Variants in MRPL13 observed in about 807,000 individuals in gnomAD.
The protein encoded by MRPL13 is large ribosomal subunit protein uL13m.
Under a neutral mutation model 29.0 loss-of-function variants are expected in MRPL13, and 33 were observed. That is an observed-to-expected ratio of 1.14 (90% confidence interval 0.86 to 1.52). The LOEUF is 1.52. Among genes scored for constraint, MRPL13 ranks in the 40% most tolerant of loss-of-function variants. MRPL13 has a pLI of 0.00. For missense variants in MRPL13, 227 were observed against 216.7 expected, an observed-to-expected ratio of 1.05 and a Z score of -0.30; for synonymous variants, 77 against 68.4, an observed-to-expected ratio of 1.13 and a Z score of -0.62.
At chr8:120,422,323 T>C (rs1450733657) in intron 4 of MRPL13, among the ~76,000 whole-genome samples, 2 of 151,570 alleles carry the variant, frequency 1.3e-5, no homozygotes, top group African/African-American at 4.8e-5. Context: ...AAATAGTCTC[T>C]AATAGGAAAA....
chr8:120,423,730 A>G (rs1478892948), intron 4 of MRPL13, among the ~76,000 whole-genome samples: 3 of 152,178 alleles, frequency 2.0e-5, no homozygotes, highest in Non-Finnish European at 4.4e-5. Context: ...TGGCTTGAAG[A>G]ATGCCAGCAA....
chr8:120,444,610 T>G (rs545132813), intron 1 of MRPL13, among the ~76,000 whole-genome samples: 1 of 152,294 alleles, frequency 6.6e-6, no homozygotes, highest in South Asian at 2.1e-4. Flanking sequence ...ACATATTCTT[T>G]GCTTCTGTCC....
intron 3 of MRPL13, among the ~76,000 whole-genome samples, chr8:120,429,935 C>G (rs996842372): frequency 2.0e-5 from 3 of 152,140 alleles, no homozygotes; most frequent in Admixed American, 2.0e-4. Context: ...AGAAAAACGT[C>G]TGTACATGTT....
intron 2 of MRPL13, among the ~76,000 whole-genome samples, chr8:120,434,348 G>A (rs1239874177): frequency 6.6e-6 from 1 of 152,076 alleles, no homozygotes; most frequent in Non-Finnish European, 1.5e-5. Flanking sequence ...AACACTTAAA[G>A]TCTCACAACT....
At chr8:120,439,570 T>C (rs565828725) in intron 2 of MRPL13, among the ~76,000 whole-genome samples, 1 of 152,284 alleles carries the variant, frequency 6.6e-6, no homozygotes, top group Non-Finnish European at 1.5e-5. Context: ...GTTCACAGGA[T>C]AACTACAGGG....
intron 1 of MRPL13, among the ~76,000 whole-genome samples, chr8:120,444,159 T>A (rs562281130): frequency 1.4e-3 from 211 of 151,992 alleles, no homozygotes; most frequent in African/African-American, 2.8e-3. Context: ...AAAAAAAAAA[T>A]TTTTAATGAA....
chr8:120,418,083 A>G (rs1291588804), intron 5 of MRPL13, among the ~76,000 whole-genome samples: 1 of 152,134 alleles, frequency 6.6e-6, no homozygotes, highest in Non-Finnish European at 1.5e-5. Context: ...AAAGTAGCGC[A>G]CATAAATATA....
intron 3 of MRPL13, among the ~76,000 whole-genome samples, chr8:120,429,920 T>C (rs1022272445): frequency 2.6e-5 from 4 of 152,174 alleles, no homozygotes; most frequent in Admixed American, 1.3e-4. Context: ...TAGGGAATAA[T>C]GACAAGAAAA....
intron 6 of MRPL13, among the ~76,000 whole-genome samples, chr8:120,398,008 C>T (rs1812543528): frequency 6.6e-6 from 1 of 152,208 alleles, no homozygotes; most frequent in Non-Finnish European, 1.5e-5. Flanking sequence ...GGATGGAGCC[C>T]CTGGCGGGAG....
In MRPL13 at chr8:120,414,051, G is replaced by A. The variant is rs773595776; in HGVS notation, c.455C>T (p.Pro152Leu). 1.9e-6 allele frequency: 3 copies of A among 1,600,866 alleles called. No individual in the cohort carries two copies. In the East Asian group the frequency reaches 6.8e-5, roughly 36 times the overall value. ...TTGTGTGTACTCATCTAGACGTTTA[G>A]GTATTTTTCGTGGTTGAGGAAGCTC... ...VEELPQPRKI[P>L]KRLDEYTQEE... The change falls in exon 6 of 7, where the codon CCT (proline) becomes CTT (leucine). Residue 152 changes from proline to leucine, a missense_variant. Pro to Leu is a moderately conservative substitution (Grantham distance 98). Transcript: ENST00000306185.
At chr8:120,430,316 ATGGAGGGCTGAC>A (rs1192172353) in intron 3 of MRPL13, among the ~76,000 whole-genome samples, 6 of 152,144 alleles carry the variant, frequency 3.9e-5, no homozygotes, top group Non-Finnish European at 8.8e-5. Context: ...ATCCATAGAT[ATGGAGGGCTGAC>A]TGTATATTAA....
chr8:120,408,941 C>A (rs1222145203), intron 6 of MRPL13, among the ~76,000 whole-genome samples: 1 of 152,194 alleles, frequency 6.6e-6, no homozygotes, highest in African/African-American at 2.4e-5. Flanking sequence ...TCCAGCTTTT[C>A]TTTTACAGAG....
intron 1 of MRPL13, among the ~76,000 whole-genome samples, chr8:120,443,924 T>G (rs1813164409): frequency 6.6e-6 from 1 of 152,130 alleles, no homozygotes; most frequent in African/African-American, 2.4e-5. Flanking sequence ...GTTTTTACAG[T>G]CGTCATCAAT....
intron 1 of MRPL13, among the ~76,000 whole-genome samples, chr8:120,444,612 C>T (rs1332693409): frequency 6.6e-6 from 1 of 152,162 alleles, no homozygotes; most frequent in Non-Finnish European, 1.5e-5. Flanking sequence ...ATATTCTTTG[C>T]TTCTGTCCTC....
chr8:120,424,319 G>A (rs1277334200), intron 4 of MRPL13, among the ~76,000 whole-genome samples: 1 of 151,480 alleles, frequency 6.6e-6, no homozygotes, highest in Non-Finnish European at 1.5e-5. Flanking sequence ...AAATTGACAG[G>A]AAAAAAAATA....
Position 120,425,384 on chromosome 8 carries a change from G to C in MRPL13, c.246-18C>G, listed in dbSNP as rs1586924336. ...CTGGGTAGCTGTTAAAAGGAGAAAA[G>C]ACATTAAAACTGGGCATAGGCTGAT... On this transcript the variant is annotated intron_variant, in intron 3 of 6. Coordinates refer to ENST00000306185, the MANE Select transcript of MRPL13 (RefSeq NM_014078.6). The C allele has an allele frequency of 6.3e-7, 1 of 1,598,286 alleles. No individual in the cohort carries two copies. The highest frequency in any genetic ancestry group is 8.6e-7 in the Non-Finnish European group (1 of 1,166,364).
chr8:120,408,385 C>CT (rs1812702069), intron 6 of MRPL13, among the ~76,000 whole-genome samples: 1 of 152,140 alleles, frequency 6.6e-6, no homozygotes, highest in Non-Finnish European at 1.5e-5. Context: ...ATAGAGACTA[C>CT]TTTTTTATTT....
chr8:120,445,085 A>C lies in MRPL13; in HGVS notation c.10T>G (p.Phe4Val). 2.5e-6 allele frequency: 4 copies of C among 1,613,856 alleles called. No homozygotes were observed. The highest frequency in any genetic ancestry group is 3.4e-6 in the Non-Finnish European group (4 of 1,179,912). Residue 4 changes from phenylalanine to valine, a missense_variant, in exon 1 of 7, where the codon TTC becomes GTC. Transcript: ENST00000306185. MSS[F>V]SRAPQQWATF... ...GAGCTCACCTGGGGCGCCCTAGAGA[A>C]ACTCGACATATTCCTCTACTAGCAG...
In MRPL13 at chr8:120,431,917, A is replaced by G. The variant is rs952312559; in HGVS notation, c.245+113T>C. The stretch of plus-strand genomic sequence containing the variant: ...TTATATACATGGCATGAGTAAAATT[A>G]GTAATAAATGCTGATTTTTAAAAAT... On this transcript the variant is annotated intron_variant, in intron 3 of 6. Coordinates refer to ENST00000306185, the MANE Select transcript of MRPL13 (RefSeq NM_014078.6). 3 of 717,984 alleles carry G rather than the reference A, an allele frequency of 4.2e-6. No individual in the cohort carries two copies. The African/African-American group carries it at 5.6e-5, about 13-fold the overall frequency. 44.5% of individuals were successfully genotyped at this position (717,984 alleles called of 1,614,324 possible). A position where few individuals can be genotyped will look rare whatever the true frequency, so the allele number is the denominator to read the frequency against.
Sources: gnomAD v4.1 joint callset for allele counts (sites outside exome capture counted in the v4.1 genomes callset) on GRCh38, gnomAD v4.1.1 for gene constraint, MANE v1.5 for transcripts, NCBI Gene and HGNC (gene_info 2026-07-23, HGNC 2026-07-21) for gene names.